DIDO1: variants seen among roughly 807,000 people sequenced by gnomAD.
DIDO1 encodes death inducer-obliterator 1.
DIDO1 carries 16 observed loss-of-function variants against 99.4 expected under a neutral mutation model. The ratio of observed to expected loss-of-function variants is 0.16; its 90% CI spans 0.11 to 0.24. The LOEUF is 0.24. Ranked by LOEUF, DIDO1 falls within the 10% of genes least tolerant of loss-of-function variation. The pLI, the probability that DIDO1 is intolerant of heterozygous loss-of-function variation, is 1.00. For synonymous variants in DIDO1, 1,366 were observed against 1,239.1 expected (o/e 1.10, Z -2.15); for missense variants, 2,996 against 3,014.0 (o/e 0.99, Z 0.14).
At chr20:62,907,111 G>A (rs201909679) in intron 5 of DIDO1, 36 bp downstream of exon 5, 10 of 1,606,576 alleles carry the variant, frequency 6.2e-6, no homozygotes, top group East Asian at 4.5e-5. Flanking sequence ...ACGCCTGTGC[G>A]TCCACTGCCT....
At chr20:62,887,904 C>T in intron 15 of DIDO1, 1 of 985,390 alleles carries the variant, frequency 1.0e-6, no homozygotes, top group Non-Finnish European at 1.2e-6. Context: ...ACAGAGAGTG[C>T]CCCCACTGCG....
chr20:62,929,698 T>A (rs1023072489), upstream of DIDO1, among the ~76,000 whole-genome samples: 19 of 119,100 alleles, frequency 1.6e-4, no homozygotes, highest in African/African-American at 6.7e-4. Context: ...AAAAAGTGTA[T>A]ATATATATAT....
chr20:62,889,549 G>C (rs920768280), intron 15 of DIDO1: 33 of 985,490 alleles, frequency 3.3e-5, no homozygotes, highest in Non-Finnish European at 3.9e-5. Context: ...TGCAGTGTCT[G>C]CACTGAGTGC....
chr20:62,901,765 TCTAA>T (rs551858282), intron 6 of DIDO1, among the ~76,000 whole-genome samples: 79 of 151,622 alleles, frequency 5.2e-4, no homozygotes, highest in South Asian at 2.1e-3. Flanking sequence ...AAGTTACTTC[TCTAA>T]CTTTTAGAAG....
chr20:62,936,276 G>A (rs371265575), intron 1 of DIDO1, among the ~76,000 whole-genome samples: 5 of 152,292 alleles, frequency 3.3e-5, no homozygotes, highest in African/African-American at 7.2e-5. Context: ...AAAATAGGCC[G>A]GATGCGGTGG....
chr20:62,937,515 C>T (rs1326559071), intron 1 of DIDO1, among the ~76,000 whole-genome samples: 2 of 152,264 alleles, frequency 1.3e-5, no homozygotes, highest in Non-Finnish European at 2.9e-5. Context: ...GCCCTGAGGG[C>T]AGGGCCCTTC....
rs764564210 is a variant in DIDO1, at chr20:62,923,441, T to G, written c.-200+2998A>C. On this transcript the variant is annotated intron_variant, in intron 1 of 15. Coordinates refer to ENST00000395343, the MANE Select transcript of DIDO1 (RefSeq NM_001193369.2). ...CACCCATCTTGGCCTCCCAAAGTGC[T>G]GGGATTCCAGGCACGACCCACCATG... Among the ~76,000 whole-genome samples, 78 of 152,188 alleles carry G rather than the reference T, an allele frequency of 5.1e-4. 1 individual carries two copies. The highest frequency in any genetic ancestry group is 6.0e-4 in the Non-Finnish European group (41 of 68,022).
In DIDO1 at chr20:62,896,502, T is replaced by A; in HGVS notation, c.2054+29A>T. On this transcript the variant is annotated intron_variant, in intron 7 of 15. Transcript: ENST00000395343. This position sits in a 1 kb window ranked among gnomAD's most constrained non-coding sequence, Gnocchi z 4.4. ...TCTAATGAAAGCCCTTCCATTTTAA[T>A]GGGTAAGAAATCAAGCAGAACAGCC... 1 of 1,578,550 alleles carries A rather than the reference T, an allele frequency of 6.3e-7. No individual in the cohort carries two copies. Among genetic ancestry groups the A allele is most frequent in the Non-Finnish European group, 8.6e-7 (1 of 1,165,504 alleles).
chr20:62,915,056 G>C (rs2065014811), intron 1 of DIDO1, among the ~76,000 whole-genome samples: 1 of 152,088 alleles, frequency 6.6e-6, no homozygotes, highest in African/African-American at 2.4e-5. Flanking sequence ...CCCCAAAGCC[G>C]ACACTTCCAA....
In DIDO1 at chr20:62,892,980, A is replaced by G; in HGVS notation, c.3102-18T>C. ...CTGAAGTGCTGTAAAACAAAACCAT[A>G]AAAAAAAAGTCAATGTCTCTCTGTG... On this transcript the variant is annotated intron_variant, in intron 12 of 15. Coordinates refer to ENST00000395343, the MANE Select transcript of DIDO1 (RefSeq NM_001193369.2). 6.4e-7 allele frequency: 1 copy of G among 1,564,826 alleles called. No individual in the cohort carries two copies. Among genetic ancestry groups the G allele is most frequent in the Non-Finnish European group, 8.7e-7 (1 of 1,150,868 alleles).
Position 62,896,139 on chromosome 20 carries a change from G to A in DIDO1, c.2214+94C>T. ...AGAAAGAAACGTCTTAGCTTTCCTG[G>A]AAAGGACACGAACATCTCAAAATAT... is the stretch of plus-strand genomic sequence containing the variant. On this transcript the variant is annotated intron_variant, in intron 8 of 15. Transcript: ENST00000395343. The surrounding 1 kb of genome is among the most constrained non-coding windows in gnomAD (Gnocchi z 4.4). The A allele has an allele frequency of 6.2e-6, 8 of 1,297,742 alleles. 1 individual carries two copies. Among genetic ancestry groups the A allele is most frequent in the Admixed American group, 2.4e-5 (1 of 41,950 alleles). The allele number at this position is 1,297,742 out of a possible 1,614,324, so 80.4% of individuals were successfully genotyped here. A position where few individuals can be genotyped will look rare whatever the true frequency, so the allele number is the denominator to read the frequency against.
intron 15 of DIDO1, chr20:62,889,086 G>A (rs1039160065): frequency 1.0e-5 from 10 of 985,370 alleles, no homozygotes; most frequent in East Asian, 1.1e-4. Context: ...CGAGTGTGAC[G>A]TTCCCCCAGC....
intron 6 of DIDO1, among the ~76,000 whole-genome samples, chr20:62,903,131 C>CGTAA (rs1568857753): frequency 6.6e-6 from 1 of 152,128 alleles, no homozygotes; most frequent in Non-Finnish European, 1.5e-5. Context: ...CAAATGTTTA[C>CGTAA]GTAAGCTAAA....
chr20:62,910,409 C>T (rs566368361), intron 3 of DIDO1, among the ~76,000 whole-genome samples: 1 of 152,242 alleles, frequency 6.6e-6, no homozygotes, highest in East Asian at 1.9e-4. Flanking sequence ...ACATGCCCCT[C>T]TGCTATGTCT....
intron 14 of DIDO1, among the ~76,000 whole-genome samples, 162 bp downstream of exon 14, chr20:62,891,825 G>A (rs770284077): frequency 7.3e-5 from 11 of 150,670 alleles, no homozygotes; most frequent in Non-Finnish European, 1.6e-4. Flanking sequence ...GTGCGATCTC[G>A]GCTCACTGCA....
chr20:62,929,353 G>A (rs1425911625), upstream of DIDO1: 1 of 152,382 alleles, frequency 6.6e-6, no homozygotes, highest in African/African-American at 2.4e-5. Context: ...GAGGGGCGAG[G>A]GCGGGGCGCG....
chr20:62,937,339 C>T (rs974267127), intron 1 of DIDO1, among the ~76,000 whole-genome samples: 1 of 152,066 alleles, frequency 6.6e-6, no homozygotes. Context: ...CGCAAATACC[C>T]AAGTGCGGCC....
rs914174729 is a variant in DIDO1, at chr20:62,896,164, T to C, written c.2214+69A>G. Reference sequence around the variant, plus strand: ...GAAAGGACACGAACATCTCAAAATATTGGTTGATCCCTTTAGCACCCAGCG... The same window carrying C: ...GAAAGGACACGAACATCTCAAAATACTGGTTGATCCCTTTAGCACCCAGCG... On this transcript the variant is annotated intron_variant, in intron 8 of 15. Transcript: ENST00000395343. This position sits in a 1 kb window ranked among gnomAD's most constrained non-coding sequence, Gnocchi z 4.4. 84 of 1,440,394 alleles carry C rather than the reference T, an allele frequency of 5.8e-5. No individual in the cohort carries two copies. Among genetic ancestry groups the C allele is most frequent in the Non-Finnish European group, 7.4e-5 (78 of 1,058,058 alleles). The allele number at this position is 1,440,394 out of a possible 1,614,324, so 89.2% of individuals were successfully genotyped here.
chr20:62,921,861 C>CTA (rs964000769), intron 1 of DIDO1, among the ~76,000 whole-genome samples: 16 of 149,616 alleles, frequency 1.1e-4, no homozygotes, highest in African/African-American at 2.0e-4. Context: ...CATATACCCG[C>CTA]TATATATATA....
Sources: gnomAD v4.1 joint callset for allele counts (sites outside exome capture counted in the v4.1 genomes callset) on GRCh38, gnomAD v4.1.1 for gene constraint, Gnocchi (gnomAD v3.1) non-coding constraint, MANE v1.5 for transcripts, NCBI Gene and HGNC (gene_info 2026-07-23, HGNC 2026-07-21) for gene names.